OCA2: variants seen among roughly 807,000 people sequenced by gnomAD.
OCA2 encodes OCA2 melanosomal transmembrane protein.
OCA2 carries 77 observed loss-of-function variants against 100.2 expected under a neutral mutation model. That is an observed-to-expected ratio of 0.77 (90% CI 0.64 to 0.93). The LOEUF is 0.93. OCA2 is among the 40% of genes least tolerant of loss of function. The pLI is 0.00. For synonymous variants in OCA2, 432 were observed against 439.2 expected (o/e 0.98, Z 0.21); for missense variants, 1,062 against 1,089.1 (o/e 0.98, Z 0.35).
intron 21 of OCA2, among the ~76,000 whole-genome samples, chr15:27,870,754 A>G (rs2036523310): frequency 6.7e-6 from 1 of 149,974 alleles, no homozygotes; most frequent in Admixed American, 6.6e-5. Context: ...GGAGGGAGGG[A>G]AGGAAAGACA....
At chr15:27,970,550 A>T (rs2140871460) in intron 14 of OCA2, among the ~76,000 whole-genome samples, 1 of 152,120 alleles carries the variant, frequency 6.6e-6, no homozygotes, top group African/African-American at 2.4e-5. Context: ...AGAATGTCCC[A>T]GCACGCACAG....
chr15:27,895,276 A>C (rs551562535), intron 19 of OCA2, among the ~76,000 whole-genome samples: 10 of 152,194 alleles, frequency 6.6e-5, no homozygotes, highest in Admixed American at 3.3e-4. Context: ...GAACAGACTA[A>C]TACAGTAAAT....
At chr15:27,885,047 G>T (rs1010359368) in intron 19 of OCA2, among the ~76,000 whole-genome samples, 5 of 152,104 alleles carry the variant, frequency 3.3e-5, no homozygotes, top group Admixed American at 1.3e-4. Context: ...TCATTTCTCA[G>T]ATCTTAACAT....
intron 19 of OCA2, among the ~76,000 whole-genome samples, chr15:27,879,753 C>T (rs2036938046): frequency 1.3e-5 from 2 of 151,976 alleles, no homozygotes; most frequent in South Asian, 2.1e-4. Flanking sequence ...GGATATTAGA[C>T]CTTTGTCAGA....
chr15:28,085,227 C>A (rs77542847), intron 1 of OCA2, among the ~76,000 whole-genome samples: 15,655 of 152,172 alleles, frequency 0.1, 975 homozygotes, highest in Admixed American at 0.19. Flanking sequence ...TACGCGCCTG[C>A]TCTCCTTCAC....
chr15:28,010,211 C>A (rs1296834493), intron 9 of OCA2, among the ~76,000 whole-genome samples: 1 of 151,950 alleles, frequency 6.6e-6, no homozygotes, highest in African/African-American at 2.4e-5. Context: ...CAACAAAAAA[C>A]CCCTCTTAGT....
chr15:27,963,784 G>GA (rs993976356), intron 15 of OCA2, among the ~76,000 whole-genome samples: 7 of 151,760 alleles, frequency 4.6e-5, no homozygotes, highest in Non-Finnish European at 8.8e-5. Context: ...TATTAAAAGA[G>GA]AAAAAAATTG....
chr15:28,032,335 A>G (rs1045972109), intron 2 of OCA2, among the ~76,000 whole-genome samples, 172 bp from the exon 3 acceptor site: 2 of 152,246 alleles, frequency 1.3e-5, no homozygotes, highest in African/African-American at 4.8e-5. Context: ...AGAAGACACC[A>G]TAAGAAAGAC....
At chr15:27,897,459 G>A (rs1035263401) in intron 19 of OCA2, among the ~76,000 whole-genome samples, 8 of 152,176 alleles carry the variant, frequency 5.3e-5, no homozygotes, top group Non-Finnish European at 1.2e-4. Context: ...GGCAGAGCTC[G>A]GGCTGTTGCT....
intron 9 of OCA2, among the ~76,000 whole-genome samples, chr15:28,006,383 T>C (rs2042093023): frequency 6.6e-6 from 1 of 152,056 alleles, no homozygotes; most frequent in Non-Finnish European, 1.5e-5. Context: ...TTGGAAAGGG[T>C]CCACCTACTT....
intron 15 of OCA2, among the ~76,000 whole-genome samples, chr15:27,958,473 A>C (rs1420844162): frequency 1.3e-5 from 2 of 152,200 alleles, no homozygotes; most frequent in African/African-American, 4.8e-5. Context: ...TAAGCAGCAG[A>C]AGACAGGGAG....
At chr15:27,768,026 C>G (rs1006607730) in intron 23 of OCA2, among the ~76,000 whole-genome samples, 18 of 152,134 alleles carry the variant, frequency 1.2e-4, no homozygotes, top group Admixed American at 1.0e-3. Context: ...ACAGAGGGCT[C>G]CAGGAAGGCC....
intron 23 of OCA2, among the ~76,000 whole-genome samples, chr15:27,816,070 G>T (rs28683712): frequency 0.59 from 88,959 of 151,988 alleles, 26,442 homozygotes; most frequent in South Asian, 0.77. Context: ...GGAGGCGGAG[G>T]TTGCGGGGAA....
intron 19 of OCA2, among the ~76,000 whole-genome samples, chr15:27,900,817 C>T (rs918586614): frequency 3.9e-5 from 6 of 152,194 alleles, no homozygotes; most frequent in South Asian, 2.1e-4. Context: ...CCAGTTCATG[C>T]ACACCTTGGC....
intron 19 of OCA2, among the ~76,000 whole-genome samples, chr15:27,914,083 T>TA (rs1357918386): frequency 2.6e-5 from 4 of 152,098 alleles, no homozygotes; most frequent in African/African-American, 9.7e-5. Context: ...TGGTGCAACA[T>TA]ATGCAAATCA....
chr15:27,846,877 T>C (rs1338113601), intron 22 of OCA2, among the ~76,000 whole-genome samples: 3 of 152,228 alleles, frequency 2.0e-5, no homozygotes, highest in South Asian at 2.1e-4. Context: ...GGAGCACAGC[T>C]CTTTCCTTGG....
At chr15:27,850,316 C>T (rs911126465) in intron 22 of OCA2, among the ~76,000 whole-genome samples, 2 of 152,192 alleles carry the variant, frequency 1.3e-5, no homozygotes, top group East Asian at 1.9e-4. Context: ...GACCATCCTC[C>T]CCACTCGACA....
At chr15:28,014,639 C>T (rs879663774) in intron 9 of OCA2, 137 bp downstream of exon 9, 60 of 951,394 alleles carry the variant, frequency 6.3e-5, no homozygotes, top group South Asian at 4.2e-4. Flanking sequence ...GAGAGGGACA[C>T]GCTAATCTTT....
intron 19 of OCA2, among the ~76,000 whole-genome samples, chr15:27,913,420 C>T (rs2038475555): frequency 6.6e-6 from 1 of 151,978 alleles, no homozygotes; most frequent in Admixed American, 6.6e-5. Context: ...TCAAATACAT[C>T]ATCTTAAAAG....
Sources: gnomAD v4.1 joint callset for allele counts (sites outside exome capture counted in the v4.1 genomes callset) on GRCh38, gnomAD v4.1.1 for gene constraint, MANE v1.5 for transcripts, NCBI Gene and HGNC (gene_info 2026-07-23, HGNC 2026-07-21) for gene names.